Variants in PHF21B observed in about 807,000 individuals in gnomAD.
The protein encoded by PHF21B is PHD finger protein 4.
Under a neutral mutation model 62.2 loss-of-function variants are expected in PHF21B, and 22 were observed. The observed-to-expected ratio is 0.35, with a 90% CI of 0.25 to 0.51. The LOEUF is 0.51. PHF21B is among the 20% of genes least tolerant of loss of function. The probability of loss-of-function intolerance (pLI) is 0.97; values close to 1 mark genes in which losing one functional copy is unlikely to be tolerated. For missense variants in PHF21B, 701 were observed against 707.9 expected (o/e 0.99, Z 0.11); for synonymous variants, 341 against 314.7 (o/e 1.08, Z -0.88).
At chr22:45,002,145 CAAAAT>C (rs1413779415) in intron 2 of PHF21B, 1 of 152,108 alleles carries the variant, frequency 6.6e-6, no homozygotes, top group Non-Finnish European at 1.5e-5. Context: ...TAGTAACAGA[CAAAAT>C]AATAACTATT....
intron 2 of PHF21B, among the ~76,000 whole-genome samples, chr22:44,956,135 C>T (rs1408539044): frequency 6.6e-6 from 1 of 152,140 alleles, no homozygotes; most frequent in Non-Finnish European, 1.5e-5. Context: ...AGGGGAGATG[C>T]TCTGTGTGCT....
At chr22:44,924,128 G>A (rs1000789872) in intron 2 of PHF21B, among the ~76,000 whole-genome samples, 2 of 148,270 alleles carry the variant, frequency 1.3e-5, no homozygotes, top group African/African-American at 4.9e-5. Context: ...GGGGAGGAAG[G>A]AGAACAACAA....
chr22:44,957,792 C>G (rs890312027), intron 2 of PHF21B, among the ~76,000 whole-genome samples: 11 of 152,120 alleles, frequency 7.2e-5, no homozygotes, highest in African/African-American at 2.7e-4. Flanking sequence ...AGTAGAATGC[C>G]TCACCCAGTA....
At chr22:44,970,473 G>A (rs2072616484) in intron 2 of PHF21B, among the ~76,000 whole-genome samples, 1 of 152,208 alleles carries the variant, frequency 6.6e-6, no homozygotes, top group Non-Finnish European at 1.5e-5. Context: ...ACCCCTCTAG[G>A]TCTGCTGCTA....
intron 5 of PHF21B, among the ~76,000 whole-genome samples, chr22:44,897,285 G>A (rs1601576592): frequency 6.6e-6 from 1 of 152,060 alleles, no homozygotes; most frequent in African/African-American, 2.4e-5. Flanking sequence ...AATCTAGAAT[G>A]GCCCCCGAGC....
rs1318086479 is a variant in PHF21B, at chr22:44,883,169, C to T, written c.1513G>A (p.Ala505Thr). The T allele has an allele frequency of 6.2e-7, 1 of 1,613,158 alleles. No individual in the cohort carries two copies. The highest frequency in any genetic ancestry group is 1.3e-5 in the African/African-American group (1 of 74,884). The change falls in exon 13 of 13, where the codon GCC (alanine) becomes ACC (threonine). Residue 505 changes from alanine to threonine, a missense_variant. By Grantham distance (58) the Ala-to-Thr change is moderately conservative (BLOSUM62 0). Transcript: ENST00000313237. ...LQVTMTTTSP[A>T]PLLAGPWTKP... ...GTCCAGGGCCCGGCCAGCAGTGGGGCAGGGCTAGTGGTCGTCATGGTGACC... is the reference window on the plus strand; with the variant it reads ...GTCCAGGGCCCGGCCAGCAGTGGGGTAGGGCTAGTGGTCGTCATGGTGACC...
intron 2 of PHF21B, among the ~76,000 whole-genome samples, chr22:44,981,756 T>G (rs947614570): frequency 6.6e-6 from 1 of 152,160 alleles, no homozygotes; most frequent in Admixed American, 6.5e-5. Flanking sequence ...CAAAGAAATG[T>G]GACAAGCTAC....
intron 3 of PHF21B, among the ~76,000 whole-genome samples, chr22:44,917,469 T>C (rs1295276475): frequency 2.0e-5 from 3 of 152,046 alleles, no homozygotes; most frequent in Admixed American, 2.0e-4. Flanking sequence ...GAGCGCCACA[T>C]GCCCCAGATG....
intron 2 of PHF21B, among the ~76,000 whole-genome samples, chr22:44,972,540 A>G (rs982104198): frequency 3.3e-5 from 5 of 152,172 alleles, no homozygotes; most frequent in Non-Finnish European, 7.3e-5. Flanking sequence ...GCGGCTGCTC[A>G]GTGGAACCAG....
chr22:44,898,305 G>A (rs2071094846), intron 5 of PHF21B, among the ~76,000 whole-genome samples: 1 of 150,066 alleles, frequency 6.7e-6, no homozygotes, highest in East Asian at 2.2e-4. Flanking sequence ...GGGGTGGTAG[G>A]TTTGGGGGAG....
intron 2 of PHF21B, 21 bp downstream of exon 2, chr22:45,008,524 G>A: frequency 6.4e-7 from 1 of 1,557,106 alleles, no homozygotes; most frequent in Non-Finnish European, 8.7e-7. Context: ...TCCCAGGGGG[G>A]GCCGCGATCC....
chr22:44,979,827 G>C (rs2072804462), intron 2 of PHF21B, among the ~76,000 whole-genome samples: 1 of 151,326 alleles, frequency 6.6e-6, no homozygotes, highest in Admixed American at 6.6e-5. Flanking sequence ...CTAGCACTTT[G>C]GGAGGCTGAG....
chr22:44,998,092 C>A (rs1295496947), intron 2 of PHF21B, among the ~76,000 whole-genome samples: 1 of 152,250 alleles, frequency 6.6e-6, no homozygotes, highest in Admixed American at 6.5e-5. Flanking sequence ...TGGAGATCTG[C>A]AGCCAATCTG....
chr22:44,971,993 T>C (rs1294558759), intron 2 of PHF21B, among the ~76,000 whole-genome samples: 1 of 152,144 alleles, frequency 6.6e-6, no homozygotes, highest in Non-Finnish European at 1.5e-5. Context: ...GGGGGAGAGA[T>C]GAGGGTTCCA....
intron 2 of PHF21B, among the ~76,000 whole-genome samples, chr22:44,995,571 G>A (rs933552812): frequency 1.3e-5 from 2 of 152,138 alleles, no homozygotes; most frequent in South Asian, 2.1e-4. Context: ...CCACAGAATC[G>A]CTAAACCTTG....
intron 2 of PHF21B, among the ~76,000 whole-genome samples, chr22:44,989,695 C>T (rs940905514): frequency 1.1e-4 from 17 of 151,018 alleles, no homozygotes; most frequent in African/African-American, 3.7e-4. Flanking sequence ...CGGCAACCTC[C>T]GCATCCCAGG....
intron 2 of PHF21B, chr22:44,933,503 AG>A: frequency 2.0e-6 from 2 of 985,454 alleles, no homozygotes; most frequent in Non-Finnish European, 2.4e-6. Flanking sequence ...CACAGATGAG[AG>A]GTTCTGCCCG....
chr22:44,953,757 T>A (rs2072239699), intron 2 of PHF21B, among the ~76,000 whole-genome samples: 1 of 152,250 alleles, frequency 6.6e-6, no homozygotes. Context: ...CAAGCAAGCA[T>A]GGCTTATAAA....
At chr22:44,887,935 G>A in intron 10 of PHF21B, 28 bp downstream of exon 10, 3 of 1,442,352 alleles carry the variant, frequency 2.1e-6, no homozygotes, top group Non-Finnish European at 2.7e-6. Context: ...GCCAGTCTGG[G>A]GTGAGGGGGT....
Sources: allele counts gnomAD v4.1 joint callset (sites outside exome capture counted in the v4.1 genomes callset), GRCh38; gene constraint gnomAD v4.1.1; transcripts MANE v1.5; gene names NCBI Gene and HGNC (gene_info 2026-07-23, HGNC 2026-07-21).